The following CHRNA3 variants were observed in gnomAD, a reference collection of about 807,000 sequenced individuals.
CHRNA3 encodes the protein neuronal acetylcholine receptor subunit alpha-3.
Under a neutral mutation model 41.9 loss-of-function variants are expected in CHRNA3, and 34 were observed. The observed-to-expected ratio is 0.81, with a 90% confidence interval of 0.62 to 1.08. CHRNA3 has a LOEUF of 1.08. Ranked by LOEUF, CHRNA3 falls within the 50% of genes least tolerant of loss-of-function variation. The pLI is 0.00. For synonymous variants in CHRNA3, 281 were observed against 265.2 expected, an observed-to-expected ratio of 1.06 and a Z score of -0.58; for missense variants, 542 against 638.3, an observed-to-expected ratio of 0.85 and a Z score of 1.63.
intron 4 of CHRNA3, among the ~76,000 whole-genome samples, chr15:78,607,803 G>T (rs1315243377): frequency 6.6e-6 from 1 of 152,232 alleles, no homozygotes. Flanking sequence ...AGGGGTCAGG[G>T]AGTTCCCTTT....
chr15:78,611,870 A>T (rs1358846061), intron 4 of CHRNA3, among the ~76,000 whole-genome samples: 1 of 152,108 alleles, frequency 6.6e-6, no homozygotes, highest in Non-Finnish European at 1.5e-5. Context: ...ACTTCAGCAA[A>T]GTCTCAGGAT....
Position 78,596,728 on chromosome 15 carries a change from T to G in CHRNA3, c.1394A>C (p.Gln465Pro). 2 of 1,600,142 alleles carry G rather than the reference T, an allele frequency of 1.2e-6. No homozygotes were observed. Among genetic ancestry groups the G allele is most frequent in the Non-Finnish European group, 1.7e-6 (2 of 1,176,838 alleles). Reference protein sequence around the residue: ...MKAQNEAKEIQDDWKYVAMVI... With the variant: ...MKAQNEAKEIPDDWKYVAMVI... ...CATGGCAACATACTTCCAATCATCT[T>G]GAATCTGCAAAACAAAATGATAAAA... Residue 465 changes from glutamine to proline, a missense_variant, in exon 6 of 6, where the codon CAA (glutamine) becomes CCA (proline). Transcript: ENST00000326828.
Position 78,601,802 on chromosome 15 carries a change from G to A in CHRNA3, c.840C>T (p.Leu280=), listed in dbSNP as rs1676361782. 1.2e-6 allele frequency: 2 copies of A among 1,614,168 alleles called. No homozygotes were observed. The highest frequency in any genetic ancestry group is 2.2e-5 in the South Asian group (2 of 91,078). ...GEKVTLCISV[L]LSLTVFLLVI... Reference sequence around the variant, plus strand: ...CCAGGAGAAACACCGTCAGGGAGAGGAGGACAGAAATGCACAGGGTCACCT... The same window carrying A: ...CCAGGAGAAACACCGTCAGGGAGAGAAGGACAGAAATGCACAGGGTCACCT... Residue 280 remains leucine (L), a synonymous_variant, in exon 5 of 6, where the codon CTC becomes CTT. Coordinates refer to ENST00000326828, the MANE Select transcript of CHRNA3 (RefSeq NM_000743.5).
intron 3 of CHRNA3, chr15:78,618,247 G>GA (rs36013488): frequency 0.061 from 14,365 of 236,516 alleles, 632 homozygotes; most frequent in African/African-American, 0.15. Context: ...ATCCCGTCTG[G>GA]AAAAAAAACT....
intron 4 of CHRNA3, among the ~76,000 whole-genome samples, chr15:78,609,601 C>T (rs2053350620): frequency 6.6e-6 from 1 of 152,166 alleles, no homozygotes; most frequent in South Asian, 2.1e-4. Context: ...AAAGGAACAA[C>T]TGGTACCAGC....
In CHRNA3 at chr15:78,596,278, C is replaced by G. The variant is rs201341278; in HGVS notation, c.*326G>C. ...AATGACTTTTCATATTTCTGAACAG[C>G]ATTTTTCTATCCAGTTTTGTTTCAA... On this transcript the variant is annotated 3_prime_UTR_variant, in exon 6 of 6. Coordinates refer to ENST00000326828, the MANE Select transcript of CHRNA3 (RefSeq NM_000743.5). 4.0e-6 allele frequency: 4 copies of G among 999,378 alleles called. No homozygotes were observed. In the South Asian group the frequency reaches 1.8e-4, roughly 46 times the overall value. The allele number at this position is 999,378 out of a possible 1,614,324, so 61.9% of individuals were successfully genotyped here.
chr15:78,602,519 A>G (rs1304849506), intron 4 of CHRNA3, among the ~76,000 whole-genome samples: 3 of 152,202 alleles, frequency 2.0e-5, no homozygotes, highest in East Asian at 1.9e-4. Flanking sequence ...TTCATCCCAC[A>G]ATACAGGTCC....
chr15:78,595,510 T>C lies in CHRNA3; in HGVS notation c.*1094A>G, dbSNP rs2053091022. The stretch of plus-strand genomic sequence containing the variant: ...AAGGGAACATTTAACAATGGAGACA[T>C]TCTTGGTTATCATAACTGGTGAAGA... On this transcript the variant is annotated 3_prime_UTR_variant, in exon 6 of 6. Transcript: ENST00000326828. 2 of 562,112 alleles carry C rather than the reference T, an allele frequency of 3.6e-6. No individual in the cohort carries two copies. The highest frequency in any genetic ancestry group is 4.5e-6 in the Non-Finnish European group (2 of 443,760). The allele number at this position is 562,112 out of a possible 1,614,324, so 34.8% of individuals were successfully genotyped here.
chr15:78,612,844 A>G (rs1290210821), intron 4 of CHRNA3, among the ~76,000 whole-genome samples: 5 of 149,668 alleles, frequency 3.3e-5, no homozygotes, highest in Non-Finnish European at 5.9e-5. Flanking sequence ...AATATTCAGA[A>G]TCTACAATGA....
intron 1 of CHRNA3, 150 bp downstream of exon 1, chr15:78,620,563 C>A (rs1219369580): frequency 1.5e-6 from 2 of 1,305,140 alleles, no homozygotes; most frequent in Non-Finnish European, 2.0e-6. Flanking sequence ...CGCCGCCGGG[C>A]TGGAGCCAGT....
chr15:78,606,899 CAA>C (rs991300504), intron 4 of CHRNA3, among the ~76,000 whole-genome samples: 1 of 151,504 alleles, frequency 6.6e-6, no homozygotes, highest in Non-Finnish European at 1.5e-5. Flanking sequence ...CAAAACAAAA[CAA>C]AAAACACACA....
At chr15:78,606,837 TGTA>T (rs2053296282) in intron 4 of CHRNA3, among the ~76,000 whole-genome samples, 1 of 152,036 alleles carries the variant, frequency 6.6e-6, no homozygotes, top group Non-Finnish European at 1.5e-5. Flanking sequence ...AGGCGGAGCT[TGTA>T]GTGAGCTGAG....
At chr15:78,605,502 C>A (rs932354845) in intron 4 of CHRNA3, among the ~76,000 whole-genome samples, 1 of 141,422 alleles carries the variant, frequency 7.1e-6, no homozygotes, top group Non-Finnish European at 1.6e-5. Context: ...AGTGGCTGCC[C>A]CTCAAAAGAC....
At chr15:78,606,687 A>C (rs1013315411) in intron 4 of CHRNA3, among the ~76,000 whole-genome samples, 2 of 151,470 alleles carry the variant, frequency 1.3e-5, no homozygotes, top group African/African-American at 4.9e-5. Context: ...CGAGGTCAGG[A>C]GATCGAGACC....
At chr15:78,605,659 T>C (rs1356730603) in intron 4 of CHRNA3, among the ~76,000 whole-genome samples, 2 of 152,154 alleles carry the variant, frequency 1.3e-5, no homozygotes, top group Non-Finnish European at 2.9e-5. Flanking sequence ...TGACGTGGGC[T>C]CTTGAGGATG....
downstream of CHRNA3, chr15:78,595,213 C>T (rs112053397): frequency 2.1e-5 from 18 of 843,432 alleles, no homozygotes; most frequent in African/African-American, 1.7e-4. Flanking sequence ...ATCCCTGATC[C>T]CTCTTATACT....
At chr15:78,620,258 T>G (rs540144270) in intron 1 of CHRNA3, 21 of 165,034 alleles carry the variant, frequency 1.3e-4, no homozygotes, top group South Asian at 3.0e-4. Context: ...GCGACTCCCC[T>G]CTTCCCGAGG....
intron 4 of CHRNA3, among the ~76,000 whole-genome samples, chr15:78,605,583 T>C (rs1203044666): frequency 1.3e-5 from 2 of 152,162 alleles, no homozygotes; most frequent in Non-Finnish European, 2.9e-5. Context: ...CAGGTTCCAA[T>C]TTGTGGGCAA....
rs746930845 is a variant in CHRNA3, at chr15:78,601,288, CA to C, written c.1353del (p.Ile451MetfsTer5). On this transcript the variant is annotated frameshift_variant, in exon 5 of 6. Coordinates refer to ENST00000326828, the MANE Select transcript of CHRNA3 (RefSeq NM_000743.5). LOFTEE classifies it high-confidence loss of function. ...TCATTTTGTGCTTTCATATTTTCAG[CA>C]ATATACTTGACACTTTGGATGGCTT... ...IKEAIQSVKY[I>X]AENMKAQNEA... is the part of the protein sequence containing the mutation. 10 of 1,613,978 alleles carry C rather than the reference CA, an allele frequency of 6.2e-6. No individual in the cohort carries two copies. Among genetic ancestry groups the C allele is most frequent in the African/African-American group, 1.3e-5 (1 of 74,920 alleles).
Sources: allele counts gnomAD v4.1 joint callset (sites outside exome capture counted in the v4.1 genomes callset), GRCh38; gene constraint gnomAD v4.1.1; transcripts MANE v1.5; gene names NCBI Gene and HGNC (gene_info 2026-07-23, HGNC 2026-07-21).